The following PPP6R3 variants were observed in gnomAD, a reference collection of about 807,000 sequenced individuals.
PPP6R3 encodes protein phosphatase 6 regulatory subunit 3.
Under a neutral mutation model 110.7 loss-of-function variants are expected in PPP6R3, and 38 were observed. The observed-to-expected ratio is 0.34, with a 90% CI of 0.26 to 0.45. The LOEUF is 0.45. PPP6R3 is among the 20% of genes least tolerant of loss of function. PPP6R3 has a pLI of 1.00. For missense variants in PPP6R3, 870 were observed against 1,062.4 expected (o/e 0.82, Z 2.52); for synonymous variants, 369 against 373.5 (o/e 0.99, Z 0.14).
At chr11:68,592,980 C>T (rs1009404757) in intron 18 of PPP6R3, among the ~76,000 whole-genome samples, 5 of 152,188 alleles carry the variant, frequency 3.3e-5, no homozygotes, top group Non-Finnish European at 5.9e-5. Flanking sequence ...GCACCTGATA[C>T]CCAGAGGGAA....
At chr11:68,513,699 ATATT>A (rs1453055941) in intron 1 of PPP6R3, among the ~76,000 whole-genome samples, 2 of 152,214 alleles carry the variant, frequency 1.3e-5, no homozygotes, top group Non-Finnish European at 2.9e-5. Flanking sequence ...GCTATGCTAT[ATATT>A]TAGTCTTCAC....
intron 1 of PPP6R3, among the ~76,000 whole-genome samples, chr11:68,495,004 C>T (rs142212238): frequency 3.3e-5 from 5 of 152,290 alleles, no homozygotes; most frequent in African/African-American, 1.2e-4. Context: ...TTAAGAACTG[C>T]CTGGCACATA....
intron 1 of PPP6R3, among the ~76,000 whole-genome samples, chr11:68,494,102 CA>C (rs11369178): frequency 5.5e-4 from 65 of 118,360 alleles, no homozygotes; most frequent in African/African-American, 8.6e-4. Flanking sequence ...GACTCCATCT[CA>C]AAAAAAAAAA....
intron 1 of PPP6R3, among the ~76,000 whole-genome samples, chr11:68,513,683 C>T (rs2099121810): frequency 6.6e-6 from 1 of 152,182 alleles, no homozygotes; most frequent in African/African-American, 2.4e-5. Context: ...CACATAGCGC[C>T]AGTTTGCTAT....
intron 1 of PPP6R3, among the ~76,000 whole-genome samples, chr11:68,511,224 G>T (rs767531677): frequency 6.6e-6 from 1 of 151,312 alleles, no homozygotes; most frequent in Admixed American, 6.6e-5. Flanking sequence ...GCGCCACCAC[G>T]TCCGGCTAAT....
At chr11:68,476,245 G>A (rs935606993) in intron 1 of PPP6R3, among the ~76,000 whole-genome samples, 3 of 152,204 alleles carry the variant, frequency 2.0e-5, no homozygotes, top group Admixed American at 6.5e-5. Flanking sequence ...CGGATCACTC[G>A]CGGTTAGGAG....
intron 7 of PPP6R3, among the ~76,000 whole-genome samples, chr11:68,555,479 G>A (rs1011215773): frequency 4.6e-5 from 7 of 152,294 alleles, no homozygotes; most frequent in Admixed American, 4.6e-4. Flanking sequence ...AGAACATGCC[G>A]GTCAGACGAG....
In PPP6R3 at chr11:68,613,317, A is replaced by T; in HGVS notation, c.*200A>T. Reference sequence around the variant, plus strand: ...GTAAAAATATTGCACATTGACAAATACCAAGAATTTTTGCGTATGTTTATA... The same window carrying T: ...GTAAAAATATTGCACATTGACAAATTCCAAGAATTTTTGCGTATGTTTATA... On this transcript the variant is annotated 3_prime_UTR_variant, in exon 24 of 24. Transcript: ENST00000393800. 1 of 1,337,234 alleles carries T rather than the reference A, an allele frequency of 7.5e-7. No homozygotes were observed. Among genetic ancestry groups the T allele is most frequent in the Non-Finnish European group, 9.6e-7 (1 of 1,046,948 alleles). 82.8% of individuals were successfully genotyped at this position (1,337,234 alleles called of 1,614,324 possible).
At chr11:68,463,810 G>A (rs1282235342) in intron 1 of PPP6R3, among the ~76,000 whole-genome samples, 2 of 152,158 alleles carry the variant, frequency 1.3e-5, no homozygotes, top group Admixed American at 1.3e-4. Flanking sequence ...TCAGTTGGGG[G>A]TGGTTCCCCC....
At chr11:68,516,124 G>A (rs534569481) in intron 1 of PPP6R3, among the ~76,000 whole-genome samples, 4 of 152,264 alleles carry the variant, frequency 2.6e-5, no homozygotes, top group Non-Finnish European at 4.4e-5. Flanking sequence ...GACTTGGCAC[G>A]TCTTTATGGT....
intron 8 of PPP6R3, among the ~76,000 whole-genome samples, chr11:68,561,197 T>C (rs2099418344): frequency 6.6e-6 from 1 of 152,224 alleles, no homozygotes; most frequent in African/African-American, 2.4e-5. Flanking sequence ...ACTTATACCT[T>C]ATACAATGTA....
intron 14 of PPP6R3, among the ~76,000 whole-genome samples, chr11:68,578,926 G>A (rs2099542438): frequency 1.3e-5 from 2 of 152,206 alleles, no homozygotes; most frequent in Non-Finnish European, 1.5e-5. Context: ...AATTGGCAAG[G>A]ATTTAGGTAG....
In PPP6R3 at chr11:68,486,603, TAAAAAAAAA is replaced by T. The variant is rs61408861; in HGVS notation, c.-158+25793_-158+25801del. 3.1e-3 allele frequency among the ~76,000 whole-genome samples: 343 copies of T among 111,680 alleles called. 7 individuals are homozygous for T. The East Asian group carries it at 0.074, about 24-fold the overall frequency. The allele number at this position is 111,680 out of a possible 152,430, so 73.3% of individuals were successfully genotyped here. A position where few individuals can be genotyped will look rare whatever the true frequency, so the allele number is the denominator to read the frequency against. ...TGGGCGACAGAGCAAGACTCTGTCT[TAAAAAAAAA>T]AAAAAAAAAAAAAAAATTCCGTCTG... On this transcript the variant is annotated intron_variant, in intron 1 of 23. Transcript: ENST00000393800.
intron 23 of PPP6R3, among the ~76,000 whole-genome samples, 182 bp downstream of exon 23, chr11:68,610,205 G>GA (rs1424952893): frequency 1.3e-5 from 2 of 152,196 alleles, no homozygotes; most frequent in East Asian, 3.8e-4. Context: ...TGAGAACTTA[G>GA]AAACAGCAGT....
intron 14 of PPP6R3, among the ~76,000 whole-genome samples, chr11:68,580,746 C>CTTTTTTTTTTTTTTTTTTT (rs71043441): frequency 1.5e-5 from 1 of 67,476 alleles, no homozygotes; most frequent in Non-Finnish European, 2.8e-5. Flanking sequence ...GGTAAATAAT[C>CTTTTTTTTTTTTTTTTTTT]TTTTTTTTTT....
rs17149190 is a variant in PPP6R3, at chr11:68,591,717, G to A, written c.1916+11G>A. 4,305 of 1,601,892 alleles carry A rather than the reference G, an allele frequency of 2.7e-3. 102 individuals are homozygous for A. The African/African-American group carries it at 0.049, about 18-fold the overall frequency. ...CCAAAGACGATCCAGGTGAAAGATA[G>A]TTGGTTATAGTTGTAATTATAGCCA... On this transcript the variant is annotated intron_variant, in intron 18 of 23. Transcript: ENST00000393800.
chr11:68,495,391 T>G (rs1385421263), intron 1 of PPP6R3, among the ~76,000 whole-genome samples: 2 of 152,206 alleles, frequency 1.3e-5, no homozygotes, highest in Non-Finnish European at 2.9e-5. Context: ...AAGTTAATGT[T>G]TTTTAGTATA....
chr11:68,525,990 C>A lies in PPP6R3; in HGVS notation c.-7+6339C>A, dbSNP rs185463697. The stretch of plus-strand genomic sequence containing the variant: ...TTCCCTTTCTAGCCAAGCAGTTTCA[C>A]CATTTTTCATTTGCTGAGGACCACC... On this transcript the variant is annotated intron_variant, in intron 2 of 23. Transcript: ENST00000393800. Among the ~76,000 whole-genome samples, 146 of 152,330 alleles carry A rather than the reference C, an allele frequency of 9.6e-4. 1 individual carries two copies. Among genetic ancestry groups the A allele is most frequent in the Non-Finnish European group, 1.4e-3 (97 of 68,032 alleles).
intron 3 of PPP6R3, 106 bp from the exon 4 acceptor site, chr11:68,544,732 A>G (rs1565734738): frequency 1.3e-6 from 1 of 747,908 alleles, no homozygotes; most frequent in East Asian, 2.8e-5. Context: ...CCAGTAAACG[A>G]TTTTATTTTT....
Sources: allele counts gnomAD v4.1 joint callset (sites outside exome capture counted in the v4.1 genomes callset), GRCh38; gene constraint gnomAD v4.1.1; transcripts MANE v1.5; gene names NCBI Gene and HGNC (gene_info 2026-07-23, HGNC 2026-07-21).